The following WBP2NL variants were observed in gnomAD, a reference collection of about 807,000 sequenced individuals.
WBP2NL encodes the protein postacrosomal sheath WW domain-binding protein.
Under a neutral mutation model 23.3 loss-of-function variants are expected in WBP2NL, and 27 were observed. The ratio of observed to expected loss-of-function variants is 1.16; its 90% CI spans 0.85 to 1.60. The LOEUF (loss-of-function observed/expected upper bound fraction) is 1.60, where lower values mean the gene tolerates loss of function less well. Among genes scored for constraint, WBP2NL ranks in the 40% most tolerant of loss-of-function variants. WBP2NL has a pLI of 0.00. For synonymous variants in WBP2NL, 151 were observed against 145.9 expected (o/e 1.03, Z -0.25); for missense variants, 370 against 389.5 (o/e 0.95, Z 0.42).
downstream of WBP2NL, among the ~76,000 whole-genome samples, chr22:42,035,079 T>G (rs185737371): frequency 1.2e-4 from 19 of 152,382 alleles, no homozygotes; most frequent in Middle Eastern, 0.01. Context: ...GGATATTTAC[T>G]GGGGAAGTGA....
intron 1 of WBP2NL, among the ~76,000 whole-genome samples, chr22:42,014,691 G>A (rs9611711): frequency 0.29 from 44,327 of 151,778 alleles, 6,943 homozygotes; most frequent in Admixed American, 0.37. Flanking sequence ...TATTCCCATT[G>A]ACCTACTTCA....
chr22:42,035,788 T>G (rs1430034627), downstream of WBP2NL, among the ~76,000 whole-genome samples: 2 of 152,242 alleles, frequency 1.3e-5, no homozygotes, highest in Non-Finnish European at 2.9e-5. Context: ...GTTACCATTT[T>G]TATACCCTTT....
chr22:42,044,991 A>C (rs1400161196), intron 8 of WBP2NL, among the ~76,000 whole-genome samples: 3 of 150,844 alleles, frequency 2.0e-5, no homozygotes, highest in Non-Finnish European at 3.0e-5. Flanking sequence ...TTTTTTCTTT[A>C]TTTATTTTTT....
rs371093593 is a variant in WBP2NL at position 42,019,220 on chromosome 22, C to CAA, written c.63-77_63-76dup. The CAA allele has an allele frequency of 5.4e-3, 5,511 of 1,015,576 alleles. 1 individual carries two copies. Among genetic ancestry groups the CAA allele is most frequent in the African/African-American group, 0.015 (902 of 58,848 alleles). 62.9% of individuals were successfully genotyped at this position (1,015,576 alleles called of 1,614,324 possible). A position where few individuals can be genotyped will look rare whatever the true frequency, so the allele number is the denominator to read the frequency against. The stretch of plus-strand genomic sequence containing the variant: ...TGGGCAACAGAGTAAGACTCTGTCT[C>CAA]AAAAAAAAAAAAAAATTGCGTTAAG... On this transcript the variant is annotated intron_variant, in intron 1 of 5. Transcript: ENST00000328823.
At chr22:42,007,328 G>A (rs913141744) in intron 1 of WBP2NL, among the ~76,000 whole-genome samples, 1 of 152,112 alleles carries the variant, frequency 6.6e-6, no homozygotes, top group African/African-American at 2.4e-5. Flanking sequence ...CTTTGGGATA[G>A]GGGAATTGTG....
At chr22:42,004,795 A>T (rs760229807) in intron 1 of WBP2NL, among the ~76,000 whole-genome samples, 30 of 151,960 alleles carry the variant, frequency 2.0e-4, no homozygotes, top group Non-Finnish European at 2.8e-4. Context: ...TGTGGTGGTG[A>T]TACCTGTAAT....
chr22:42,049,153 A>C (rs975844026), intron 8 of WBP2NL, among the ~76,000 whole-genome samples: 1 of 152,238 alleles, frequency 6.6e-6, no homozygotes, highest in African/African-American at 2.4e-5. Flanking sequence ...TTAGCAAAGC[A>C]GCAGACAAGT....
chr22:42,001,336 A>C (rs576440170), intron 1 of WBP2NL: 1 of 694,294 alleles, frequency 1.4e-6, no homozygotes, highest in Non-Finnish European at 2.6e-6. Flanking sequence ...ACTGATGACA[A>C]TGTGAGTGTT....
At chr22:42,007,827 C>T (rs1000035354) in intron 1 of WBP2NL, among the ~76,000 whole-genome samples, 1 of 143,416 alleles carries the variant, frequency 7.0e-6, no homozygotes, top group Admixed American at 7.0e-5. Context: ...TTGCTTCCAC[C>T]TCCTGGTTAT....
intron 1 of WBP2NL, chr22:42,003,155 T>A (rs1452567580): frequency 3.9e-5 from 3 of 76,396 alleles, no homozygotes; most frequent in Non-Finnish European, 9.0e-5. Flanking sequence ...TGAAACTCCA[T>A]CTCAAAAAAA....
chr22:42,025,380 T>C (rs577884993), intron 5 of WBP2NL, among the ~76,000 whole-genome samples: 4 of 152,232 alleles, frequency 2.6e-5, no homozygotes, highest in Non-Finnish European at 5.9e-5. Context: ...TTAGTGTTAG[T>C]ATATTTTATA....
chr22:42,037,009 C>A (rs554854777), downstream of WBP2NL, among the ~76,000 whole-genome samples: 54 of 152,122 alleles, frequency 3.5e-4, no homozygotes, highest in Non-Finnish European at 7.2e-4. Context: ...ATTACAAGAC[C>A]AATGTCAAGG....
chr22:42,050,341 C>A (rs1288731588), intron 8 of WBP2NL, among the ~76,000 whole-genome samples: 6 of 150,894 alleles, frequency 4.0e-5, no homozygotes, highest in African/African-American at 4.9e-5. Flanking sequence ...ATTAAAAAAA[C>A]AAAAAACAAA....
At position 42,047,546 on chromosome 22, in the gene WBP2NL, C is replaced by T. The variant is rs571782009; in HGVS notation, c.*274-10744C>T. The stretch of plus-strand genomic sequence containing the variant: ...CGGAGGTTGCAGTGAGCTGAGATCA[C>T]GCCACTGCACAGAGCGAGTCTCATC... On this transcript the variant is annotated intron_variant and NMD_transcript_variant, in intron 8 of 8. Transcript: ENST00000436265. 1.6e-4 allele frequency among the ~76,000 whole-genome samples: 24 copies of T among 151,034 alleles called. No individual in the cohort carries two copies. The South Asian group carries it at 3.4e-3, about 21-fold the overall frequency.
At chr22:42,019,584 G>C (rs1215161304) in intron 2 of WBP2NL, 78 bp from the exon 3 acceptor site, 5 of 1,588,594 alleles carry the variant, frequency 3.1e-6, no homozygotes, top group African/African-American at 1.3e-5. Flanking sequence ...AGTTAGACCA[G>C]AATGCACCTT....
chr22:42,017,237 T>A (rs1923385335), intron 1 of WBP2NL, among the ~76,000 whole-genome samples: 1 of 152,196 alleles, frequency 6.6e-6, no homozygotes, highest in Non-Finnish European at 1.5e-5. Flanking sequence ...CACCTCAGCC[T>A]TCCGAGTAGC....
At chr22:42,051,444 T>C (rs1395005293) in intron 8 of WBP2NL, among the ~76,000 whole-genome samples, 2 of 152,136 alleles carry the variant, frequency 1.3e-5, no homozygotes, top group Non-Finnish European at 2.9e-5. Context: ...CATGACACAT[T>C]AGTGAAAACC....
chr22:42,008,398 G>C (rs1200545322), intron 1 of WBP2NL, among the ~76,000 whole-genome samples: 1 of 151,570 alleles, frequency 6.6e-6, no homozygotes, highest in African/African-American at 2.4e-5. Flanking sequence ...GTAGAGACGG[G>C]GTTTCGCTGT....
downstream of WBP2NL, chr22:42,029,936 C>T (rs1924830564): frequency 6.6e-6 from 1 of 152,174 alleles, no homozygotes; most frequent in African/African-American, 2.4e-5. Flanking sequence ...TTCCTTAACA[C>T]AGCTTAGAGT....
Sources: allele counts gnomAD v4.1 joint callset (sites outside exome capture counted in the v4.1 genomes callset), GRCh38; gene constraint gnomAD v4.1.1; transcripts MANE v1.5; gene names NCBI Gene and HGNC (gene_info 2026-07-23, HGNC 2026-07-21).